Variants in WSB2 observed in about 807,000 individuals in gnomAD.
The protein encoded by WSB2 is WD repeat and SOCS box-containing protein 2.
Under a neutral mutation model 48.8 loss-of-function variants are expected in WSB2, and 12 were observed. The observed-to-expected ratio is 0.25, with a 90% CI of 0.16 to 0.40. WSB2 has a LOEUF of 0.40. WSB2 is among the 10% of genes least tolerant of loss of function. The probability of loss-of-function intolerance (pLI) is 1.00; values close to 1 mark genes in which losing one functional copy is unlikely to be tolerated. For missense variants in WSB2, 317 were observed against 506.2 expected (o/e 0.63, Z 3.59); for synonymous variants, 191 against 203.1 (o/e 0.94, Z 0.51).
chr12:118,055,017 AAAAAAAAAAAAAAG>A (rs2031929371), intron 1 of WSB2, among the ~76,000 whole-genome samples: 1 of 146,430 alleles, frequency 6.8e-6, no homozygotes, highest in African/African-American at 2.5e-5. Flanking sequence ...CATCTCTTTA[AAAAAAAAAAAAAAG>A]AAAAAAGAAA....
intron 1 of WSB2, 94 bp from the exon 2 acceptor site, chr12:118,052,572 C>G (rs1244199607): frequency 6.4e-7 from 1 of 1,556,660 alleles, no homozygotes; most frequent in South Asian, 1.2e-5. Context: ...GGCAAAGAGC[C>G]ACACTATCCA....
In WSB2 at chr12:118,049,981, C is replaced by G. The variant is rs183301802; in HGVS notation, c.182+2329G>C. Among the ~76,000 whole-genome samples the G allele has an allele frequency of 2.0e-5, 3 of 152,258 alleles. No individual in the cohort carries two copies. In the South Asian group the frequency reaches 6.2e-4, roughly 32 times the overall value. The stretch of plus-strand genomic sequence containing the variant: ...ACTCTCAGTCCCTAACTCAGTGTTA[C>G]GCAAAGAAACTATGTAACCAAGGCT... On this transcript the variant is annotated intron_variant, in intron 2 of 8. Coordinates refer to ENST00000315436, the MANE Select transcript of WSB2 (RefSeq NM_018639.5).
chr12:118,050,189 G>GA (rs796292236), intron 2 of WSB2, among the ~76,000 whole-genome samples: 13 of 150,346 alleles, frequency 8.6e-5, no homozygotes, highest in Non-Finnish European at 5.9e-5. Flanking sequence ...CATCTCAAAA[G>GA]AAAAAAAAAG....
At chr12:118,038,095 A>C (rs2031552748) in intron 5 of WSB2, 193 bp downstream of exon 5, 1 of 456,238 alleles carries the variant, frequency 2.2e-6, no homozygotes, top group Non-Finnish European at 3.8e-6. Context: ...ACCTGTTTCC[A>C]AATCCCTCCT....
At chr12:118,054,612 G>A (rs2031919312) in intron 1 of WSB2, among the ~76,000 whole-genome samples, 1 of 151,934 alleles carries the variant, frequency 6.6e-6, no homozygotes, top group African/African-American at 2.4e-5. Flanking sequence ...GGAAGGCAGA[G>A]GTTGCGGTGA....
intron 1 of WSB2, among the ~76,000 whole-genome samples, chr12:118,054,760 G>A (rs1436178736): frequency 6.6e-6 from 1 of 150,740 alleles, no homozygotes; most frequent in Non-Finnish European, 1.5e-5. Flanking sequence ...GGTATATCTT[G>A]TTATATAAAA....
chr12:118,051,335 T>C (rs2031848890), intron 2 of WSB2, among the ~76,000 whole-genome samples: 2 of 152,186 alleles, frequency 1.3e-5, no homozygotes, highest in Admixed American at 1.3e-4. Flanking sequence ...TAAATGTTCA[T>C]AGCAGCACTA....
At position 118,042,631 on chromosome 12, in the gene WSB2, A is replaced by G. The variant is rs376748690; in HGVS notation, c.559+210T>C. ...AAAATAGCCTAAATAGACACACAGT[A>G]TATGTTCGGTATTAAACTCTATTTG... is the stretch of plus-strand genomic sequence containing the variant. On this transcript the variant is annotated intron_variant, in intron 4 of 8. Coordinates refer to ENST00000315436, the MANE Select transcript of WSB2 (RefSeq NM_018639.5). 906 of 630,086 alleles carry G rather than the reference A, an allele frequency of 1.4e-3. 14 individuals are homozygous for G. The South Asian group carries it at 0.018, about 13-fold the overall frequency. The allele number at this position is 630,086 out of a possible 1,614,324, so 39.0% of individuals were successfully genotyped here. A position where few individuals can be genotyped will look rare whatever the true frequency, so the allele number is the denominator to read the frequency against.
upstream of WSB2, chr12:118,061,317 A>T (rs1349462472): frequency 1.2e-5 from 6 of 484,210 alleles, no homozygotes; most frequent in Non-Finnish European, 1.6e-5. Context: ...CGGTACGCTG[A>T]CGGGATAAAA....
At chr12:118,061,949 G>A, upstream of WSB2, 1 of 707,382 alleles carries the variant, frequency 1.4e-6, no homozygotes, top group Non-Finnish European at 2.2e-6. Flanking sequence ...AACAAGGGGG[G>A]CTACTCAATG....
At chr12:118,037,107 G>T (rs2031529548) in intron 5 of WSB2, among the ~76,000 whole-genome samples, 1 of 152,014 alleles carries the variant, frequency 6.6e-6, no homozygotes, top group East Asian at 1.9e-4. Flanking sequence ...ACTTGAGCCT[G>T]GTAGGTGGAG....
intron 1 of WSB2, among the ~76,000 whole-genome samples, chr12:118,055,062 T>C (rs7300357): frequency 0.025 from 3,724 of 151,878 alleles, 165 homozygotes; most frequent in African/African-American, 0.086. Context: ...TTTATATATA[T>C]GGTCTGAGTA....
chr12:118,059,382 C>T (rs1349793645), intron 1 of WSB2, among the ~76,000 whole-genome samples: 1 of 151,900 alleles, frequency 6.6e-6, no homozygotes, highest in Non-Finnish European at 1.5e-5. Flanking sequence ...TTCTGTTGGT[C>T]GGGGCTGGCC....
intron 6 of WSB2, 131 bp downstream of exon 6, chr12:118,036,207 A>G (rs1404779034): frequency 7.2e-6 from 8 of 1,103,742 alleles, no homozygotes; most frequent in Non-Finnish European, 1.0e-5. Context: ...GTCTCAAAAG[A>G]GACCCACTGT....
Position 118,043,350 on chromosome 12 carries a change from G to C in WSB2, c.210C>G (p.Ser70Arg). The change falls in exon 3 of 9, where the codon AGC (serine) becomes AGG (arginine). Residue 70 changes from serine (S) to arginine (R), a missense_variant. Coordinates refer to ENST00000315436, the MANE Select transcript of WSB2 (RefSeq NM_018639.5). ...CTTTCGTCTCATTTTTGCTACTTCG[G>C]CTTTTGGCTTCAAACCCTTTAGGGA... ...QFIPKGFEAK[S>R]RSSKNETKGR... The C allele has an allele frequency of 1.3e-6, 2 of 1,581,340 alleles. No individual in the cohort carries two copies. Among genetic ancestry groups the C allele is most frequent in the South Asian group, 2.3e-5 (2 of 85,532 alleles).
Position 118,035,302 on chromosome 12 carries a change from T to G in WSB2, c.856A>C (p.Met286Leu), listed in dbSNP as rs1216799403. Residue 286 changes from methionine (M) to leucine (L), a missense_variant, in exon 7 of 9, where the codon ATG becomes CTG. Met to Leu is a conservative substitution (Grantham distance 15, BLOSUM62 2). This residue lies in a region of WSB2 where 189 missense variants were observed against 349.6 expected (regional missense o/e 0.54). Transcript: ENST00000315436. Reference protein sequence around the residue: ...SLHHTQVDPAMDDSDVHISSL... With the variant: ...SLHHTQVDPALDDSDVHISSL... The stretch of plus-strand genomic sequence containing the variant: ...CTAATGTGGACGTCACTGTCATCCA[T>G]GGCGGGGTCAACCTGGGTGTGGCTG... 1.2e-6 allele frequency: 2 copies of G among 1,614,184 alleles called. No homozygotes were observed. Among genetic ancestry groups the G allele is most frequent in the Admixed American group, 1.7e-5 (1 of 60,014 alleles).
At chr12:118,034,955 C>T (rs967386053) in intron 8 of WSB2, 31 bp downstream of exon 8, 2 of 1,599,230 alleles carry the variant, frequency 1.3e-6, no homozygotes, top group African/African-American at 1.3e-5. Context: ...GCAGAAAGCA[C>T]CACCCATCTG....
chr12:118,049,005 A>G (rs1289792268), intron 2 of WSB2, among the ~76,000 whole-genome samples: 1 of 152,208 alleles, frequency 6.6e-6, no homozygotes, highest in Non-Finnish European at 1.5e-5. Flanking sequence ...AGACATATTT[A>G]TCTATACAAA....
In WSB2 at chr12:118,033,622, G is replaced by A. The variant is rs1413732300; in HGVS notation, c.*574C>T. ...CGGCCTCTGAGTCCCCTGTAATTTA[G>A]TTAAGCTAAATTAATACCTCATACC... On this transcript the variant is annotated 3_prime_UTR_variant, in exon 9 of 9. Transcript: ENST00000315436. 1 of 150,666 alleles carries A rather than the reference G, an allele frequency of 6.6e-6. No homozygotes were observed. The highest frequency in any genetic ancestry group is 2.4e-5 in the African/African-American group (1 of 40,884). 9.3% of individuals were successfully genotyped at this position (150,666 alleles called of 1,614,324 possible).
Sources: gnomAD v4.1 joint callset for allele counts (sites outside exome capture counted in the v4.1 genomes callset) on GRCh38, gnomAD v4.1.1 for gene constraint, gnomAD v4.1.1 regional missense constraint, MANE v1.5 for transcripts, NCBI Gene and HGNC (gene_info 2026-07-23, HGNC 2026-07-21) for gene names.